LGI1: variants seen among roughly 807,000 people sequenced by gnomAD.
LGI1 encodes leucine-rich glioma-inactivated protein 1.
LGI1 carries 11 observed loss-of-function variants against 57.7 expected under a neutral mutation model. The ratio of observed to expected loss-of-function variants is 0.19; its 90% CI spans 0.12 to 0.32. The LOEUF is 0.32. LGI1 is among the 10% of genes least tolerant of loss of function. LGI1 has a pLI of 1.00. For synonymous variants in LGI1, 222 were observed against 241.9 expected, an observed-to-expected ratio of 0.92 and a Z score of 0.76; for missense variants, 422 against 661.9, an observed-to-expected ratio of 0.64 and a Z score of 3.98.
At chr10:93,765,586 A>G (rs1286734827) in intron 2 of LGI1, 1 of 152,212 alleles carries the variant, frequency 6.6e-6, no homozygotes. Flanking sequence ...CTTGCATTCA[A>G]TTACATCTAA....
chr10:93,778,230 G>A (rs2059810708), intron 4 of LGI1, among the ~76,000 whole-genome samples: 1 of 152,052 alleles, frequency 6.6e-6, no homozygotes, highest in Non-Finnish European at 1.5e-5. Context: ...AGCCCTTCAC[G>A]ACCAAGAATT....
chr10:93,770,904 CAAAGT>C (rs932444257), intron 2 of LGI1: 12 of 151,980 alleles, frequency 7.9e-5, no homozygotes, highest in Middle Eastern at 3.2e-3. Flanking sequence ...ATGCATTACA[CAAAGT>C]AAAGTTCCAT....
intron 4 of LGI1, 82 bp from the exon 5 acceptor site, chr10:93,790,017 A>T: frequency 7.9e-7 from 1 of 1,272,310 alleles, no homozygotes; most frequent in Non-Finnish European, 1.1e-6. Flanking sequence ...GACAAAAGAG[A>T]CTCATCACTA....
chr10:93,759,715 G>A (rs978670153), intron 2 of LGI1, among the ~76,000 whole-genome samples: 2 of 152,172 alleles, frequency 1.3e-5, no homozygotes, highest in Non-Finnish European at 2.9e-5. Flanking sequence ...TTAACTGCAT[G>A]ATTCAGGACC....
intron 4 of LGI1, among the ~76,000 whole-genome samples, chr10:93,783,794 T>C (rs1031893567): frequency 1.3e-5 from 2 of 152,078 alleles, no homozygotes; most frequent in East Asian, 1.9e-4. Context: ...GGCGGATCAC[T>C]TGAGGTCAGG....
chr10:93,758,197 G>C lies in LGI1; in HGVS notation c.53G>C (p.Arg18Thr). The C allele has an allele frequency of 1.9e-6, 3 of 1,614,184 alleles. No homozygotes were observed. The highest frequency in any genetic ancestry group is 1.7e-6 in the Non-Finnish European group (2 of 1,180,030). The change falls in exon 1 of 8, where the codon AGA becomes ACA. Residue 18 changes from arginine (R) to threonine (T), a missense_variant. By Grantham distance (71) the Arg-to-Thr change is moderately conservative. Around this residue, in one of 3 missense-constraint regions of LGI1, gnomAD observed 58 missense variants for 61.8 expected, o/e 0.94. Coordinates refer to ENST00000371418, the MANE Select transcript of LGI1 (RefSeq NM_005097.4). This position sits in a 1 kb window ranked among gnomAD's most constrained non-coding sequence, Gnocchi z 4.7. ...RMGNACIPLK[R>T]IAYFLCLLSA... ...GGAAATGCCTGCATTCCCCTGAAAA[G>C]AATTGCTTATTTCCTATGTCTCTTA...
chr10:93,798,019 G>A lies in LGI1; in HGVS notation c.*216G>A. 1.7e-6 allele frequency: 1 copy of A among 589,554 alleles called. No homozygotes were observed. The highest frequency in any genetic ancestry group is 3.0e-6 in the Non-Finnish European group (1 of 330,546). 36.5% of individuals were successfully genotyped at this position (589,554 alleles called of 1,614,324 possible). A position where few individuals can be genotyped will look rare whatever the true frequency, so the allele number is the denominator to read the frequency against. The stretch of plus-strand genomic sequence containing the variant: ...TAAGACAAAATTTAATTGTGTAACT[G>A]TTCTTTGCAGTGAAGATGTGTAAAT... On this transcript the variant is annotated 3_prime_UTR_variant, in exon 8 of 8. Transcript: ENST00000371418.
intron 2 of LGI1, among the ~76,000 whole-genome samples, chr10:93,759,871 A>G (rs1408942307): frequency 6.6e-6 from 1 of 152,244 alleles, no homozygotes; most frequent in Non-Finnish European, 1.5e-5. Flanking sequence ...TGCCACTCAT[A>G]GAACCTAAAC....
chr10:93,785,287 G>C lies in LGI1; in HGVS notation c.432-4812G>C, dbSNP rs149932231. 5.3e-5 allele frequency among the ~76,000 whole-genome samples: 8 copies of C among 152,160 alleles called. No homozygotes were observed. The East Asian group carries it at 1.5e-3, about 29-fold the overall frequency. On this transcript the variant is annotated intron_variant, in intron 4 of 7. Coordinates refer to ENST00000371418, the MANE Select transcript of LGI1 (RefSeq NM_005097.4). ...CAACAAAGAAAAAGATTAGTTTTGT[G>C]GTCTTAACACATAAGGTTTAAAAAT...
chr10:93,778,340 C>A (rs1161507227), intron 4 of LGI1, among the ~76,000 whole-genome samples: 4 of 86,848 alleles, frequency 4.6e-5, no homozygotes, highest in African/African-American at 1.8e-4. Context: ...TACAGACAAA[C>A]ACATTCACAC....
intron 2 of LGI1, chr10:93,769,404 A>C (rs944633670): frequency 6.6e-6 from 1 of 152,218 alleles, no homozygotes; most frequent in Non-Finnish European, 1.5e-5. Context: ...GATGTCCATC[A>C]AAGTCTTCTT....
In LGI1 at chr10:93,797,284, A is replaced by G; in HGVS notation, c.1155A>G (p.Leu385=). 1 of 1,614,194 alleles carries G rather than the reference A, an allele frequency of 6.2e-7. No individual in the cohort carries two copies. ...ACAGGGACACTGATGTGGAATATCT[A>G]GAAATAGTCAGAACACCTCAGACAC... ...AWYRDTDVEY[L]EIVRTPQTLR... The change falls in exon 8 of 8, where the codon CTA becomes CTG. Residue 385 remains leucine (L), a synonymous_variant. Coordinates refer to ENST00000371418, the MANE Select transcript of LGI1 (RefSeq NM_005097.4). This position sits in a 1 kb window ranked among gnomAD's most constrained non-coding sequence, Gnocchi z 6.5.
rs2059985675 is a variant in LGI1, at chr10:93,796,980, T to C, written c.851T>C (p.Val284Ala). 1.2e-6 allele frequency: 2 copies of C among 1,613,520 alleles called. No individual in the cohort carries two copies. Among genetic ancestry groups the C allele is most frequent in the Non-Finnish European group, 1.7e-6 (2 of 1,179,548 alleles). ...NYDNITGTST[V>A]VCKPIVIETQ... Reference sequence around the variant, plus strand: ...TGTCTTTTCCCAGGCACATCCACTGTAGTATGCAAGCCTATAGTCATTGAA... The same window carrying C: ...TGTCTTTTCCCAGGCACATCCACTGCAGTATGCAAGCCTATAGTCATTGAA... Residue 284 changes from valine (V) to alanine (A), a missense_variant, in exon 8 of 8, where the codon GTA becomes GCA. This residue lies in a region of LGI1 where 301 missense variants were observed against 461.7 expected (regional missense o/e 0.65). Transcript: ENST00000371418.
chr10:93,790,537 T>G (rs905783910), intron 5 of LGI1: 1 of 216,150 alleles, frequency 4.6e-6, no homozygotes, highest in Admixed American at 5.3e-5. Context: ...CATAAAGGAG[T>G]CTGGGAAACT....
chr10:93,765,842 C>T (rs905987143), intron 2 of LGI1, among the ~76,000 whole-genome samples: 12 of 151,770 alleles, frequency 7.9e-5, no homozygotes, highest in African/African-American at 1.2e-4. Context: ...TGGTGGCGGG[C>T]GCCTGTAGTC....
chr10:93,795,243 C>CA (rs2134024116), intron 7 of LGI1, among the ~76,000 whole-genome samples: 1 of 152,156 alleles, frequency 6.6e-6, no homozygotes, highest in East Asian at 1.9e-4. Flanking sequence ...GCTGCTGTAA[C>CA]AAAAAATACC....
At chr10:93,760,385 T>C (rs1039978184) in intron 2 of LGI1, among the ~76,000 whole-genome samples, 2 of 152,256 alleles carry the variant, frequency 1.3e-5, no homozygotes, top group African/African-American at 4.8e-5. Context: ...TTGCTGTCTC[T>C]GAGAAAGTGA....
intron 4 of LGI1, among the ~76,000 whole-genome samples, chr10:93,781,621 A>G (rs1347730369): frequency 1.3e-5 from 2 of 152,154 alleles, no homozygotes; most frequent in African/African-American, 4.8e-5. Context: ...TATTTTAGTA[A>G]TCTTTTGTAT....
intron 4 of LGI1, among the ~76,000 whole-genome samples, chr10:93,786,840 CA>C (rs2059896269): frequency 6.6e-6 from 1 of 152,322 alleles, no homozygotes; most frequent in East Asian, 1.9e-4. Flanking sequence ...GTGATCCGCC[CA>C]CCTCTGCCTC....
Sources: gnomAD v4.1 joint callset for allele counts (sites outside exome capture counted in the v4.1 genomes callset) on GRCh38, gnomAD v4.1.1 for gene constraint, gnomAD v4.1.1 regional missense constraint, Gnocchi (gnomAD v3.1) non-coding constraint, MANE v1.5 for transcripts, NCBI Gene and HGNC (gene_info 2026-07-23, HGNC 2026-07-21) for gene names.